The following ROBO2 variants were observed in gnomAD, a reference collection of about 807,000 sequenced individuals.
The protein encoded by ROBO2 is roundabout guidance receptor 2.
Under a neutral mutation model 160.8 loss-of-function variants are expected in ROBO2, and 53 were observed. The observed-to-expected ratio is 0.33, with a 90% CI of 0.26 to 0.41. ROBO2 has a LOEUF of 0.41. Among genes scored for constraint, ROBO2 ranks in the 10% least tolerant of loss-of-function variants. The pLI, the probability that ROBO2 is intolerant of heterozygous loss-of-function variation, is 1.00. For missense variants in ROBO2, 1,577 were observed against 1,722.4 expected (o/e 0.92, Z 1.49); for synonymous variants, 664 against 611.7 (o/e 1.09, Z -1.26).
At chr3:76,892,760 T>C (rs1024894468) in intron 2 of ROBO2, among the ~76,000 whole-genome samples, 1 of 152,230 alleles carries the variant, frequency 6.6e-6, no homozygotes. Flanking sequence ...TGATCTCCAA[T>C]AGAAACAAGA....
chr3:76,725,036 G>C (rs1227210797), intron 2 of ROBO2, among the ~76,000 whole-genome samples: 1 of 152,138 alleles, frequency 6.6e-6, no homozygotes, highest in Non-Finnish European at 1.5e-5. Context: ...TATCCCTGCT[G>C]ACAACTTGAT....
chr3:76,131,065 C>A (rs757738161), intron 2 of ROBO2, among the ~76,000 whole-genome samples: 14 of 152,112 alleles, frequency 9.2e-5, no homozygotes, highest in Non-Finnish European at 1.6e-4. Flanking sequence ...TAGAAATTTT[C>A]TGGACCACAA....
At chr3:77,606,401 G>A (rs1302181600) in intron 20 of ROBO2, among the ~76,000 whole-genome samples, 1 of 152,148 alleles carries the variant, frequency 6.6e-6, no homozygotes, top group Admixed American at 6.6e-5. Flanking sequence ...TGGGAAACTG[G>A]TCTGTAAACC....
chr3:76,254,037 T>C (rs1706203837), intron 2 of ROBO2, among the ~76,000 whole-genome samples: 1 of 152,090 alleles, frequency 6.6e-6, no homozygotes, highest in African/African-American at 2.4e-5. Flanking sequence ...AATCTATAGC[T>C]GTCTACAAAA....
At chr3:76,783,877 T>C (rs967392384) in intron 2 of ROBO2, among the ~76,000 whole-genome samples, 9 of 151,246 alleles carry the variant, frequency 6.0e-5, no homozygotes, top group African/African-American at 2.2e-4. Flanking sequence ...TGATGGTGTT[T>C]CATACATATC....
In ROBO2 at chr3:76,588,546, A is replaced by G. The variant is rs1390766787; in HGVS notation, c.110-509468A>G. ...TTCAAAAAGAACACAATATTTAACA[A>G]GAAATGGCTTAATATGGATTATTCT... On this transcript the variant is annotated intron_variant, in intron 2 of 26. Transcript: ENST00000487694. 3.3e-5 allele frequency among the ~76,000 whole-genome samples: 5 copies of G among 152,236 alleles called. No homozygotes were observed. In the East Asian group the frequency reaches 9.6e-4, roughly 29 times the overall value.
intron 2 of ROBO2, among the ~76,000 whole-genome samples, chr3:77,275,425 T>C (rs1214434502): frequency 1.3e-5 from 2 of 152,184 alleles, no homozygotes; most frequent in Admixed American, 1.3e-4. Flanking sequence ...TCTGCCAAAA[T>C]TTAATGAGCA....
chr3:75,929,975 G>A (rs6784673), intron 1 of ROBO2, among the ~76,000 whole-genome samples: 13,370 of 152,154 alleles, frequency 0.088, 1,910 homozygotes, highest in African/African-American at 0.29. Flanking sequence ...GATTACAGGC[G>A]TGAGCCACTG....
chr3:77,469,186 T>G (rs2083095339), intron 2 of ROBO2, among the ~76,000 whole-genome samples: 1 of 152,208 alleles, frequency 6.6e-6, no homozygotes, highest in Non-Finnish European at 1.5e-5. Flanking sequence ...AAACTTACAC[T>G]GGCTTAAATA....
chr3:77,165,278 T>C (rs1170931799), intron 2 of ROBO2, among the ~76,000 whole-genome samples: 7 of 148,708 alleles, frequency 4.7e-5, no homozygotes, highest in Non-Finnish European at 1.0e-4. Flanking sequence ...CCCTGTGCTC[T>C]CTGAAACATG....
chr3:77,562,582 G>A (rs748897437), intron 9 of ROBO2, 69 bp from the exon 11 acceptor site: 48 of 1,064,344 alleles, frequency 4.5e-5, no homozygotes, highest in Non-Finnish European at 6.8e-5. Flanking sequence ...ATATTGCCTG[G>A]CTGTCATTGA....
At chr3:76,166,526 G>A (rs572031385) in intron 2 of ROBO2, among the ~76,000 whole-genome samples, 40 of 151,862 alleles carry the variant, frequency 2.6e-4, no homozygotes, top group Admixed American at 6.6e-4. Flanking sequence ...TCTCTACAAC[G>A]AATTACCTCA....
In ROBO2 at chr3:76,865,004, C is replaced by T. The variant is rs77712383; in HGVS notation, c.110-233010C>T. Among the ~76,000 whole-genome samples the T allele has an allele frequency of 2.5e-3, 376 of 152,066 alleles. 2 individuals are homozygous for T. Among genetic ancestry groups the T allele is most frequent in the African/African-American group, 8.8e-3 (364 of 41,516 alleles). On this transcript the variant is annotated intron_variant, in intron 2 of 26. Transcript: ENST00000487694. ...AGCTAAATTGAAAGCTCTGTCAGCACGGCAGAAAATCAGAATTTAAATTAT... is the reference window on the plus strand; with the variant it reads ...AGCTAAATTGAAAGCTCTGTCAGCATGGCAGAAAATCAGAATTTAAATTAT...
rs1227953439 is a variant in ROBO2, at chr3:77,164,601, G to A, written c.388+66261G>A. The stretch of plus-strand genomic sequence containing the variant: ...AGGTGAGGGGCGCCTCTGCCCGGCT[G>A]CCCCTACTGGGAAGTGAGGAGCCCC... On this transcript the variant is annotated intron_variant, in intron 2 of 25. Transcript: ENST00000461745. Among the ~76,000 whole-genome samples, 19 of 120,852 alleles carry A rather than the reference G, an allele frequency of 1.6e-4. No homozygotes were observed. In the South Asian group the frequency reaches 2.8e-3, roughly 18 times the overall value. The allele number at this position is 120,852 out of a possible 152,430, so 79.3% of individuals were successfully genotyped here. A position where few individuals can be genotyped will look rare whatever the true frequency, so the allele number is the denominator to read the frequency against.
chr3:77,297,702 C>T (rs1397979645), intron 2 of ROBO2, among the ~76,000 whole-genome samples: 1 of 152,104 alleles, frequency 6.6e-6, no homozygotes, highest in Non-Finnish European at 1.5e-5. Flanking sequence ...TGTGTCAAGT[C>T]CACACAGTTG....
At chr3:76,468,859 T>C (rs1559998269) in intron 2 of ROBO2, among the ~76,000 whole-genome samples, 2 of 152,078 alleles carry the variant, frequency 1.3e-5, no homozygotes, top group African/African-American at 4.8e-5. Context: ...TAGACAAACT[T>C]ATATCTACAG....
intron 2 of ROBO2, among the ~76,000 whole-genome samples, chr3:77,190,055 G>A (rs115134319): frequency 1.4e-3 from 217 of 152,050 alleles, no homozygotes; most frequent in Non-Finnish European, 2.5e-3. Context: ...TGAAAAAGAG[G>A]AAGTAGTTTG....
intron 21 of ROBO2, among the ~76,000 whole-genome samples, chr3:77,615,242 A>G (rs2094745338): frequency 6.6e-6 from 1 of 152,144 alleles, no homozygotes; most frequent in African/African-American, 2.4e-5. Flanking sequence ...AGCAGAAGGT[A>G]CAGATTTATC....
chr3:76,695,076 C>A (rs919040969), intron 2 of ROBO2, among the ~76,000 whole-genome samples: 2 of 152,288 alleles, frequency 1.3e-5, no homozygotes, highest in Middle Eastern at 3.4e-3. Context: ...TGCACTCCAG[C>A]CTGGGCGATG....
Sources: allele counts gnomAD v4.1 joint callset (sites outside exome capture counted in the v4.1 genomes callset), GRCh38; gene constraint gnomAD v4.1.1; transcripts MANE v1.5; gene names NCBI Gene and HGNC (gene_info 2026-07-23, HGNC 2026-07-21).